FGF14: variants seen among roughly 807,000 people sequenced by gnomAD.
The protein encoded by FGF14 is fibroblast growth factor homologous factor 4.
A neutral mutation model predicts 25.5 loss-of-function variants in FGF14; 5 were observed. The observed-to-expected ratio is 0.20, with a 90% CI of 0.10 to 0.41. The LOEUF is 0.41. Among genes scored for constraint, FGF14 ranks in the 10% least tolerant of loss-of-function variants. FGF14 has a pLI of 1.00. For missense variants in FGF14, 222 were observed against 320.1 expected, an observed-to-expected ratio of 0.69 and a Z score of 2.34; for synonymous variants, 138 against 118.3, an observed-to-expected ratio of 1.17 and a Z score of -1.08.
intron 1 of FGF14, among the ~76,000 whole-genome samples, chr13:102,212,559 A>G (rs1398329340): frequency 6.6e-6 from 1 of 152,074 alleles, no homozygotes; most frequent in Non-Finnish European, 1.5e-5. Flanking sequence ...GAGGAACCAT[A>G]TCTCTCTTCT....
chr13:102,075,655 T>C (rs570713480), intron 1 of FGF14, among the ~76,000 whole-genome samples: 2 of 152,356 alleles, frequency 1.3e-5, no homozygotes, highest in South Asian at 4.1e-4. Flanking sequence ...AGTGTACTCC[T>C]AACTATAATA....
chr13:101,982,275 T>C (rs930765062), intron 1 of FGF14, among the ~76,000 whole-genome samples: 1 of 152,248 alleles, frequency 6.6e-6, no homozygotes, highest in African/African-American at 2.4e-5. Flanking sequence ...AATTATGCTT[T>C]TCTATTTTAT....
At chr13:102,095,236 T>G (rs1048702228) in intron 1 of FGF14, among the ~76,000 whole-genome samples, 5 of 152,162 alleles carry the variant, frequency 3.3e-5, no homozygotes, top group African/African-American at 1.2e-4. Flanking sequence ...ATGAAGGGTT[T>G]CTGAAATGGA....
intron 3 of FGF14, among the ~76,000 whole-genome samples, chr13:101,830,827 G>C (rs909043007): frequency 1.3e-5 from 2 of 152,194 alleles, no homozygotes; most frequent in African/African-American, 2.4e-5. Context: ...GCTCTAGGGA[G>C]AGAATCTACC....
intron 1 of FGF14, among the ~76,000 whole-genome samples, chr13:101,966,947 C>A (rs1223848636): frequency 6.6e-6 from 1 of 152,074 alleles, no homozygotes; most frequent in Non-Finnish European, 1.5e-5. Flanking sequence ...GAATATTACT[C>A]TACGAGTGTA....
chr13:101,821,195 G>T (rs1362017310), intron 3 of FGF14, among the ~76,000 whole-genome samples: 1 of 152,086 alleles, frequency 6.6e-6, no homozygotes, highest in South Asian at 2.1e-4. Context: ...TGATCCACCC[G>T]CCTCGGCCTC....
At chr13:102,267,485 T>A (rs1170975591) in intron 1 of FGF14, among the ~76,000 whole-genome samples, 1 of 152,162 alleles carries the variant, frequency 6.6e-6, no homozygotes, top group Non-Finnish European at 1.5e-5. Flanking sequence ...AAATAATAAT[T>A]TTTGGAACAT....
At chr13:101,868,920 A>G (rs578232125) in intron 2 of FGF14, 92 bp from the exon 3 acceptor site, 1 of 840,046 alleles carries the variant, frequency 1.2e-6, no homozygotes, top group South Asian at 1.4e-5. Flanking sequence ...TTTAAGAAAC[A>G]TCATCTTTGC....
intron 1 of FGF14, among the ~76,000 whole-genome samples, chr13:102,368,531 T>C (rs1167771120): frequency 4.6e-5 from 7 of 152,214 alleles, no homozygotes; most frequent in Admixed American, 2.6e-4. Flanking sequence ...TCCTCCTCTA[T>C]ATTCAAAGCT....
chr13:102,128,551 C>G (rs1327857220), intron 1 of FGF14, among the ~76,000 whole-genome samples: 1 of 152,152 alleles, frequency 6.6e-6, no homozygotes, highest in African/African-American at 2.4e-5. Context: ...CATGACTCAC[C>G]CCAATGTGAG....
Position 102,012,635 on chromosome 13 carries a change from CAA to C in FGF14, c.209-137341_209-137340del, listed in dbSNP as rs1377229752. Among the ~76,000 whole-genome samples the C allele has an allele frequency of 2.6e-5, 4 of 152,224 alleles. No individual in the cohort carries two copies. In the East Asian group the frequency reaches 7.7e-4, roughly 29 times the overall value. On this transcript the variant is annotated intron_variant, in intron 1 of 4. Coordinates refer to the FGF14 transcript ENST00000376131. ...GAAATGAAATAGACTCAATACCAAA[CAA>C]AGCAAAACAAGTTAAAAGTAAAGTT...
At chr13:101,893,519 T>G (rs2030109516) in intron 1 of FGF14, among the ~76,000 whole-genome samples, 1 of 152,074 alleles carries the variant, frequency 6.6e-6, no homozygotes, top group African/African-American at 2.4e-5. Context: ...TTAGGGACTG[T>G]GGCATGGTGA....
At chr13:102,231,189 AT>A (rs1290271504) in intron 1 of FGF14, among the ~76,000 whole-genome samples, 1 of 152,190 alleles carries the variant, frequency 6.6e-6, no homozygotes. Context: ...TATATGGATC[AT>A]TTTTTAAGTC....
intron 1 of FGF14, among the ~76,000 whole-genome samples, chr13:101,981,129 A>AC (rs58852039): frequency 2.7e-5 from 4 of 147,238 alleles, no homozygotes; most frequent in South Asian, 2.2e-4. Context: ...ACACACACAC[A>AC]ATTAGCCAGG....
chr13:102,067,174 A>G (rs141776405), intron 1 of FGF14, among the ~76,000 whole-genome samples: 174 of 152,226 alleles, frequency 1.1e-3, no homozygotes, highest in Middle Eastern at 3.4e-3. Context: ...ATTTATTTCA[A>G]CTGATAGGAT....
At chr13:102,161,681 A>AGAAGAAGAAGAAGAAGAAGAG (rs2047759263) in intron 1 of FGF14, among the ~76,000 whole-genome samples, 2 of 52,178 alleles carry the variant, frequency 3.8e-5, no homozygotes. Context: ...AAGAAGAAGA[A>AGAAGAAGAAGAAGAAGAAGAG]GAAGAAGAAG....
intron 1 of FGF14, among the ~76,000 whole-genome samples, chr13:102,122,331 G>A (rs932456263): frequency 3.3e-5 from 5 of 152,056 alleles, no homozygotes; most frequent in Non-Finnish European, 4.4e-5. Context: ...GGATTATCTC[G>A]AAATCCTAAT....
At chr13:102,197,665 C>T (rs979568424) in intron 1 of FGF14, among the ~76,000 whole-genome samples, 5 of 151,668 alleles carry the variant, frequency 3.3e-5, no homozygotes, top group Non-Finnish European at 5.9e-5. Context: ...TATATAGATA[C>T]ATATTGATAT....
intron 3 of FGF14, among the ~76,000 whole-genome samples, chr13:101,818,523 A>G (rs887427890): frequency 3.9e-5 from 6 of 152,186 alleles, no homozygotes; most frequent in Non-Finnish European, 8.8e-5. Context: ...ACTGAAACCA[A>G]TGGGGATTAC....
Sources: gnomAD v4.1 joint callset for allele counts (sites outside exome capture counted in the v4.1 genomes callset) on GRCh38, gnomAD v4.1.1 for gene constraint, MANE v1.5 for transcripts, NCBI Gene and HGNC (gene_info 2026-07-23, HGNC 2026-07-21) for gene names.